The following CUBN variants were observed in gnomAD, a reference collection of about 807,000 sequenced individuals.
CUBN encodes the protein 460 kDa receptor.
Under a neutral mutation model 405.3 loss-of-function variants are expected in CUBN, and 282 were observed. The ratio of observed to expected loss-of-function variants is 0.70; its 90% CI spans 0.63 to 0.77. The LOEUF is 0.77. Ranked by LOEUF, CUBN falls within the 30% of genes least tolerant of loss-of-function variation. CUBN has a pLI of 0.00. For missense variants in CUBN, 4,514 were observed against 4,475.2 expected (o/e 1.01, Z -0.25); for synonymous variants, 1,684 against 1,617.0 (o/e 1.04, Z -0.99).
chr10:16,944,358 T>TA (rs1842726495), intron 36 of CUBN, among the ~76,000 whole-genome samples: 1 of 152,240 alleles, frequency 6.6e-6, no homozygotes, highest in Non-Finnish European at 1.5e-5. Context: ...ATATATGTCT[T>TA]ACAAAAAACT....
chr10:17,127,716 A>C (rs970261280), intron 3 of CUBN, 113 bp downstream of exon 3: 23 of 711,214 alleles, frequency 3.2e-5, no homozygotes, highest in African/African-American at 7.1e-5. Context: ...GAGTAGTTAC[A>C]TGCTAAATCT....
intron 28 of CUBN, among the ~76,000 whole-genome samples, chr10:17,000,433 G>T (rs560179053): frequency 6.6e-6 from 1 of 152,106 alleles, no homozygotes; most frequent in Admixed American, 6.5e-5. Flanking sequence ...GCGCCCCTCC[G>T]CCCCAACCCA....
At chr10:17,069,657 C>T (rs1292724303) in intron 19 of CUBN, among the ~76,000 whole-genome samples, 1 of 152,190 alleles carries the variant, frequency 6.6e-6, no homozygotes, top group Non-Finnish European at 1.5e-5. Context: ...GATCCTCCTA[C>T]CACAGCCTTC....
At chr10:16,844,062 G>C (rs1302842079) in intron 60 of CUBN, among the ~76,000 whole-genome samples, 2 of 152,064 alleles carry the variant, frequency 1.3e-5, no homozygotes, top group African/African-American at 4.8e-5. Context: ...CTGAGGTCAG[G>C]AGTTCGAGAC....
intron 28 of CUBN, among the ~76,000 whole-genome samples, chr10:16,997,289 G>A (rs1175730696): frequency 6.6e-6 from 1 of 152,086 alleles, no homozygotes; most frequent in African/African-American, 2.4e-5. Context: ...TAAAAAATTA[G>A]CTGGGCGTGG....
chr10:17,003,449 G>A (rs1422681605), intron 28 of CUBN, among the ~76,000 whole-genome samples: 1 of 152,088 alleles, frequency 6.6e-6, no homozygotes, highest in Non-Finnish European at 1.5e-5. Context: ...CATACTTCCA[G>A]ATTGTTGTGA....
chr10:17,113,129 G>T (rs1417296354), intron 8 of CUBN, among the ~76,000 whole-genome samples: 1 of 152,112 alleles, frequency 6.6e-6, no homozygotes, highest in Non-Finnish European at 1.5e-5. Context: ...GCCGGGTGTG[G>T]TGAGGTGTGC....
At chr10:16,877,241 C>T in intron 56 of CUBN, 144 bp from the exon 57 acceptor site, 1 of 776,578 alleles carries the variant, frequency 1.3e-6, no homozygotes, top group Admixed American at 2.0e-5. Flanking sequence ...ACTTAGTTTC[C>T]TGTTGAAACA....
rs1378084382 is a variant in CUBN at position 17,068,671 on chromosome 10, T to C, written c.2725A>G (p.Thr909Ala). The change falls in exon 20 of 67, where the codon ACA (threonine) becomes GCA (alanine). Residue 909 changes from threonine to alanine, a missense_variant. Thr to Ala is a moderately conservative substitution (Grantham distance 58, BLOSUM62 0). Coordinates refer to ENST00000377833, the MANE Select transcript of CUBN (RefSeq NM_001081.4). ...TCAGTAGAAGAACTTTTCACGAATG[T>C]GACATAAAGAAAATTGTACACAGAT... ...ITSVYNFLYV[T>A]FVKSSSTENH... The C allele has an allele frequency of 1.9e-6, 3 of 1,613,116 alleles. No individual in the cohort carries two copies. Among genetic ancestry groups the C allele is most frequent in the Admixed American group, 1.7e-5 (1 of 59,984 alleles).
chr10:16,866,760 T>C (rs1840197590), intron 59 of CUBN, among the ~76,000 whole-genome samples: 1 of 152,186 alleles, frequency 6.6e-6, no homozygotes, highest in African/African-American at 2.4e-5. Context: ...ACATTTCCAT[T>C]GCAGTTAGAG....
In CUBN at chr10:16,879,265, T is replaced by G. The variant is rs570244947; in HGVS notation, c.8906-2168A>C. 3.3e-5 allele frequency among the ~76,000 whole-genome samples: 5 copies of G among 152,352 alleles called. No individual in the cohort carries two copies. The South Asian group carries it at 1.0e-3, about 32-fold the overall frequency. On this transcript the variant is annotated intron_variant, in intron 56 of 66. Transcript: ENST00000377833. The stretch of plus-strand genomic sequence containing the variant: ...TTTTAATTTTAGCCATTCTGGTGCA[T>G]GCGAAACGAAACTTCATTGTGATAT...
chr10:16,914,611 C>T (rs1841828929), intron 47 of CUBN, among the ~76,000 whole-genome samples: 1 of 151,252 alleles, frequency 6.6e-6, no homozygotes, highest in African/African-American at 2.4e-5. Flanking sequence ...GTGGCTCACA[C>T]CTGTAACCCC....
intron 59 of CUBN, among the ~76,000 whole-genome samples, chr10:16,864,015 T>A (rs1001142720): frequency 2.6e-5 from 4 of 151,642 alleles, no homozygotes; most frequent in Non-Finnish European, 4.4e-5. Context: ...ACCCAACAAT[T>A]ATATAAACCA....
chr10:16,825,886 CACTT>C (rs1446974805), intron 66 of CUBN, among the ~76,000 whole-genome samples: 1 of 149,996 alleles, frequency 6.7e-6, no homozygotes, highest in Non-Finnish European at 1.5e-5. Context: ...CCAAGATACT[CACTT>C]ACTCAAGTGA....
intron 54 of CUBN, among the ~76,000 whole-genome samples, chr10:16,894,423 G>A (rs1374474993): frequency 1.3e-5 from 2 of 151,980 alleles, no homozygotes; most frequent in South Asian, 2.1e-4. Flanking sequence ...TTTTTTGCCT[G>A]TGGATGTTCA....
chr10:16,877,754 GC>G (rs1400635639), intron 56 of CUBN, among the ~76,000 whole-genome samples: 2 of 152,018 alleles, frequency 1.3e-5, no homozygotes, highest in African/African-American at 4.8e-5. Context: ...GTGAATATAT[GC>G]TCCAGCCTAC....
chr10:16,961,106 A>C (rs115740000), intron 31 of CUBN, among the ~76,000 whole-genome samples: 1 of 152,106 alleles, frequency 6.6e-6, no homozygotes, highest in Non-Finnish European at 1.5e-5. Flanking sequence ...TCAGGGTCTT[A>C]CCCTGTCACC....
chr10:16,935,601 C>T (rs564910110), intron 39 of CUBN, among the ~76,000 whole-genome samples: 105 of 152,070 alleles, frequency 6.9e-4, no homozygotes, highest in Middle Eastern at 3.4e-3. Flanking sequence ...TAGGACAGGA[C>T]GGATGCAGTG....
intron 22 of CUBN, among the ~76,000 whole-genome samples, chr10:17,056,160 T>C (rs1835390292): frequency 6.6e-6 from 1 of 151,952 alleles, no homozygotes; most frequent in African/African-American, 2.4e-5. Flanking sequence ...GCAAAAGCAA[T>C]TCAGTGGGAG....
Sources: gnomAD v4.1 joint callset for allele counts (sites outside exome capture counted in the v4.1 genomes callset) on GRCh38, gnomAD v4.1.1 for gene constraint, MANE v1.5 for transcripts, NCBI Gene and HGNC (gene_info 2026-07-23, HGNC 2026-07-21) for gene names.